JPH3: variants seen among roughly 807,000 people sequenced by gnomAD.
JPH3 encodes junctophilin-3.
JPH3 carries 11 observed loss-of-function variants against 59.6 expected under a neutral mutation model. The ratio of observed to expected loss-of-function variants is 0.18; its 90% CI spans 0.12 to 0.31. The LOEUF (loss-of-function observed/expected upper bound fraction) is 0.31. JPH3 is among the 10% of genes least tolerant of loss of function. The probability of loss-of-function intolerance (pLI) is 1.00; values close to 1 mark genes in which losing one functional copy is unlikely to be tolerated. For synonymous variants in JPH3, 673 were observed against 483.6 expected, an observed-to-expected ratio of 1.39 and a Z score of -5.14; for missense variants, 1,202 against 1,105.7, an observed-to-expected ratio of 1.09 and a Z score of -1.24.
intron 1 of JPH3, 33 bp downstream of exon 1, chr16:87,603,561 G>C (rs1185465427): frequency 6.5e-7 from 1 of 1,535,486 alleles, no homozygotes; most frequent in Non-Finnish European, 8.8e-7. Context: ...GGCCGGGGCG[G>C]GAGGGACGTG....
At chr16:87,681,982 G>A (rs1013722085) in intron 2 of JPH3, among the ~76,000 whole-genome samples, 5 of 152,142 alleles carry the variant, frequency 3.3e-5, no homozygotes, top group Admixed American at 2.6e-4. Flanking sequence ...TGGACCCTCT[G>A]CTTGTGGCGG....
intron 2 of JPH3, among the ~76,000 whole-genome samples, chr16:87,657,819 G>C (rs988541145): frequency 6.6e-6 from 1 of 152,168 alleles, no homozygotes; most frequent in Non-Finnish European, 1.5e-5. Context: ...TCGGTTACGT[G>C]ACCACACCTA....
rs774198567 is a variant in JPH3, at chr16:87,644,890, A to G, written c.1015A>G (p.Lys339Glu). 4 of 1,613,406 alleles carry G rather than the reference A, an allele frequency of 2.5e-6. No homozygotes were observed. The highest frequency in any genetic ancestry group is 1.1e-5 in the South Asian group (1 of 91,080). ...CGGCACCAAGGAGGAGGGCAAGTAC[A>G]AGCAGAACATCCTCGTCGGCGGCAA... is the stretch of plus-strand genomic sequence containing the variant. ...PDGTKEEGKY[K>E]QNILVGGKRK... Residue 339 changes from lysine (K) to glutamate (E), a missense_variant, in exon 2 of 5, where the codon AAG becomes GAG. Coordinates refer to ENST00000284262, the MANE Select transcript of JPH3 (RefSeq NM_020655.4).
chr16:87,653,276 C>T (rs1053573286), intron 2 of JPH3, among the ~76,000 whole-genome samples: 4 of 152,216 alleles, frequency 2.6e-5, no homozygotes, highest in African/African-American at 4.8e-5. Context: ...CCAGCACCTG[C>T]CGTGTGCCTG....
intron 3 of JPH3, among the ~76,000 whole-genome samples, chr16:87,687,742 G>T (rs560335825): frequency 6.6e-6 from 1 of 152,196 alleles, no homozygotes; most frequent in Non-Finnish European, 1.5e-5. Flanking sequence ...CCTGCTGGTG[G>T]TGCTGGGAGT....
chr16:87,684,996 C>CT (rs1477597944), intron 3 of JPH3, among the ~76,000 whole-genome samples: 23 of 152,214 alleles, frequency 1.5e-4, no homozygotes, highest in Admixed American at 1.5e-3. Context: ...AGCGCGCCCC[C>CT]TCAACCCGAG....
chr16:87,674,332 C>A (rs1177575067), intron 2 of JPH3, among the ~76,000 whole-genome samples: 1 of 150,300 alleles, frequency 6.7e-6, no homozygotes, highest in Non-Finnish European at 1.5e-5. Flanking sequence ...GACTCCGTCT[C>A]AAAAAAAAAC....
intron 4 of JPH3, among the ~76,000 whole-genome samples, chr16:87,691,232 C>A (rs979725415): frequency 1.3e-5 from 2 of 149,738 alleles, no homozygotes; most frequent in Non-Finnish European, 3.0e-5. Flanking sequence ...ACAGGGCTGG[C>A]CTCCCCTTGA....
intron 1 of JPH3, among the ~76,000 whole-genome samples, chr16:87,606,136 C>T (rs1044864701): frequency 6.6e-5 from 10 of 152,316 alleles, no homozygotes; most frequent in Middle Eastern, 3.4e-3. Flanking sequence ...CAGAGACCTC[C>T]ATGCCTCCTT....
chr16:87,657,981 C>T (rs527275399), intron 2 of JPH3, among the ~76,000 whole-genome samples: 1 of 152,280 alleles, frequency 6.6e-6, no homozygotes, highest in East Asian at 1.9e-4. Context: ...GGTCACGCTC[C>T]AGGACATAAA....
intron 2 of JPH3, among the ~76,000 whole-genome samples, chr16:87,680,429 G>A (rs945482177): frequency 1.3e-5 from 2 of 152,208 alleles, no homozygotes; most frequent in Non-Finnish European, 2.9e-5. Flanking sequence ...TCTGGCCCAG[G>A]AACCGGGCCT....
intron 2 of JPH3, among the ~76,000 whole-genome samples, chr16:87,648,124 G>C (rs148909961): frequency 3.3e-5 from 5 of 152,200 alleles, no homozygotes; most frequent in African/African-American, 1.2e-4. Flanking sequence ...TCACTGGTGC[G>C]ACCCTTGGAG....
intron 2 of JPH3, among the ~76,000 whole-genome samples, chr16:87,677,131 C>A (rs1216885062): frequency 6.7e-6 from 1 of 149,394 alleles, no homozygotes; most frequent in African/African-American, 2.5e-5. Context: ...TGCAATCCAG[C>A]CTAGGCGACA....
At chr16:87,671,883 A>G (rs1017716854) in intron 2 of JPH3, among the ~76,000 whole-genome samples, 2 of 152,230 alleles carry the variant, frequency 1.3e-5, no homozygotes, top group African/African-American at 4.8e-5. Flanking sequence ...AGGACAGTAA[A>G]AAGGCGAACT....
At chr16:87,642,350 G>A (rs1315874356) in intron 1 of JPH3, among the ~76,000 whole-genome samples, 1 of 152,212 alleles carries the variant, frequency 6.6e-6, no homozygotes, top group Non-Finnish European at 1.5e-5. Context: ...CAGAACAGGA[G>A]CAGCTGCTGC....
intron 2 of JPH3, among the ~76,000 whole-genome samples, chr16:87,672,023 G>C (rs1043861060): frequency 2.0e-5 from 3 of 152,162 alleles, no homozygotes; most frequent in African/African-American, 7.2e-5. Context: ...GTCCCAGGCA[G>C]GTGTAGGGCT....
intron 2 of JPH3, among the ~76,000 whole-genome samples, chr16:87,670,873 G>T (rs201804952): frequency 1.6e-5 from 1 of 62,376 alleles, no homozygotes. Flanking sequence ...GGGGACGGGA[G>T]GGGGGTCAGG....
At position 87,631,561 on chromosome 16, in the gene JPH3, A is replaced by G. The variant is rs75509837; in HGVS notation, c.383-12697A>G. ...TGAGTTCTGAATTTCATGCCACTGT[A>G]TCTTGGTTGGGTGTCTCTCCCCTCA... On this transcript the variant is annotated intron_variant, in intron 1 of 4. Transcript: ENST00000284262. 3.9e-5 allele frequency among the ~76,000 whole-genome samples: 6 copies of G among 152,168 alleles called. No homozygotes were observed. The East Asian group carries it at 1.2e-3, about 29-fold the overall frequency.
intron 2 of JPH3, among the ~76,000 whole-genome samples, chr16:87,674,008 C>G (rs1201839051): frequency 1.3e-5 from 2 of 149,972 alleles, no homozygotes; most frequent in Non-Finnish European, 3.0e-5. Flanking sequence ...TGATATGGAA[C>G]AATCTCCAAG....
Sources: gnomAD v4.1 joint callset for allele counts (sites outside exome capture counted in the v4.1 genomes callset) on GRCh38, gnomAD v4.1.1 for gene constraint, MANE v1.5 for transcripts, NCBI Gene and HGNC (gene_info 2026-07-23, HGNC 2026-07-21) for gene names.